The following DNAH11 variants were observed in gnomAD, a reference collection of about 807,000 sequenced individuals.
The protein encoded by DNAH11 is axonemal beta dynein heavy chain 11.
In DNAH11, 442 loss-of-function variants were observed where a neutral mutation model predicts 526.0. The observed-to-expected ratio is 0.84, with a 90% CI of 0.78 to 0.91. The LOEUF (loss-of-function observed/expected upper bound fraction) is 0.91. DNAH11 is among the 40% of genes least tolerant of loss of function. The pLI is 0.00. For synonymous variants in DNAH11, 2,461 were observed against 1,935.9 expected (o/e 1.27, Z -7.12); for missense variants, 6,989 against 5,448.7 (o/e 1.28, Z -8.90).
chr7:21,725,828 T>C lies in DNAH11; in HGVS notation c.7284T>C (p.Ala2428=). ...CTCCTTAGATTTCTGATTATCAAGC[T>C]GACTTCAGTCGGTGGTGGCAGAAAG... ...LLQDQISDYQ[A]DFSRWWQKEM... is the part of the protein sequence containing the mutation. The change falls in exon 45 of 82, where the codon GCT becomes GCC. Residue 2428 remains alanine, a synonymous_variant. Coordinates refer to ENST00000409508, the MANE Select transcript of DNAH11 (RefSeq NM_001277115.2). 6.2e-7 allele frequency: 1 copy of C among 1,611,788 alleles called. No homozygotes were observed. The highest frequency in any genetic ancestry group is 8.5e-7 in the Non-Finnish European group (1 of 1,178,882).
chr7:21,743,376 C>T (rs1368127467), intron 49 of DNAH11, among the ~76,000 whole-genome samples: 1 of 152,136 alleles, frequency 6.6e-6, no homozygotes, highest in Non-Finnish European at 1.5e-5. Context: ...GGTAAAAGGA[C>T]AGTGTTTATG....
chr7:21,632,160 G>A (rs1317793685), intron 25 of DNAH11, among the ~76,000 whole-genome samples: 1 of 152,200 alleles, frequency 6.6e-6, no homozygotes, highest in African/African-American at 2.4e-5. Flanking sequence ...TGGCTGGAGT[G>A]GCTGGGATGC....
intron 30 of DNAH11, among the ~76,000 whole-genome samples, chr7:21,678,856 G>T (rs1783018272): frequency 6.6e-6 from 1 of 152,120 alleles, no homozygotes; most frequent in Non-Finnish European, 1.5e-5. Flanking sequence ...ACTACCAAAT[G>T]ATCCAGCAAT....
At chr7:21,557,599 C>T (rs1338080926) in intron 2 of DNAH11, among the ~76,000 whole-genome samples, 2 of 152,126 alleles carry the variant, frequency 1.3e-5, no homozygotes, top group Non-Finnish European at 2.9e-5. Context: ...CCAAACACTC[C>T]ACCTCCTAAT....
At position 21,591,482 on chromosome 7, in the gene DNAH11, G is replaced by C. The variant is rs369561950; in HGVS notation, c.2572G>C (p.Glu858Gln). 1 of 1,613,306 alleles carries C rather than the reference G, an allele frequency of 6.2e-7. No individual in the cohort carries two copies. Among genetic ancestry groups the C allele is most frequent in the African/African-American group, 1.3e-5 (1 of 74,926 alleles). Residue 858 changes from glutamate (E) to glutamine (Q), a missense_variant, in exon 14 of 82, where the codon GAG (glutamate) becomes CAG (glutamine). Glu to Gln is a conservative substitution (Grantham distance 29). Coordinates refer to ENST00000409508, the MANE Select transcript of DNAH11 (RefSeq NM_001277115.2). ...VLPPRREHRR[E>Q]AAFTLEDKGD... ...ACCTCCCAGGAGAGAGCACAGACGA[G>C]AGGCAGCCTTCACCTTGGAGGACAA...
intron 44 of DNAH11, among the ~76,000 whole-genome samples, chr7:21,721,829 C>G (rs530497665): frequency 3.3e-5 from 5 of 152,290 alleles, no homozygotes; most frequent in Admixed American, 1.3e-4. Context: ...ATTGGTCTCC[C>G]TCTCTCCAGT....
At chr7:21,602,559 G>A (rs1468779624) in intron 18 of DNAH11, among the ~76,000 whole-genome samples, 2 of 5,856 alleles carry the variant, frequency 3.4e-4, no homozygotes, top group Admixed American at 2.1e-3. Context: ...TTTATAGATT[G>A]TGTGTGTGTG....
At chr7:21,720,679 T>A (rs1784840264) in intron 43 of DNAH11, 46 bp from the exon 44 acceptor site, 14 of 1,515,894 alleles carry the variant, frequency 9.2e-6, no homozygotes, top group Non-Finnish European at 1.2e-5. Context: ...TGAACTTCAC[T>A]ATTTTAAAAA....
chr7:21,598,280 A>G (rs1784940844), intron 14 of DNAH11, among the ~76,000 whole-genome samples: 2 of 152,090 alleles, frequency 1.3e-5, no homozygotes, highest in Non-Finnish European at 2.9e-5. Context: ...TGGTCTGTAT[A>G]GACCATGCAA....
At chr7:21,660,029 T>A (rs1361579572) in intron 30 of DNAH11, among the ~76,000 whole-genome samples, 1 of 152,096 alleles carries the variant, frequency 6.6e-6, no homozygotes, top group Non-Finnish European at 1.5e-5. Context: ...ATAAGGTAAT[T>A]GTTTCTATTT....
intron 54 of DNAH11, among the ~76,000 whole-genome samples, chr7:21,753,338 C>G (rs565034829): frequency 2.0e-5 from 3 of 152,262 alleles, no homozygotes; most frequent in African/African-American, 7.2e-5. Context: ...CTGCCTCCGG[C>G]TACTAAGGAG....
At chr7:21,695,595 G>A (rs1783815914) in intron 35 of DNAH11, among the ~76,000 whole-genome samples, 1 of 152,154 alleles carries the variant, frequency 6.6e-6, no homozygotes, top group Non-Finnish European at 1.5e-5. Flanking sequence ...ATTAACTCAA[G>A]ATGGCTTAAA....
At chr7:21,808,180 T>C (rs1172704270) in intron 63 of DNAH11, 131 bp downstream of exon 63, 9 of 603,154 alleles carry the variant, frequency 1.5e-5, no homozygotes, top group Non-Finnish European at 2.0e-5. Context: ...ATGGTGAAAT[T>C]GTTTCTCATG....
intron 42 of DNAH11, among the ~76,000 whole-genome samples, chr7:21,717,423 G>C (rs1275419242): frequency 6.6e-6 from 1 of 152,060 alleles, no homozygotes; most frequent in East Asian, 1.9e-4. Flanking sequence ...ATCACAAGCT[G>C]TTTTCATAAA....
In DNAH11 at chr7:21,787,419, G is replaced by A. The variant is rs867035278; in HGVS notation, c.9760G>A (p.Ala3254Thr). 5 of 1,604,402 alleles carry A rather than the reference G, an allele frequency of 3.1e-6. No homozygotes were observed. The Middle Eastern group carries it at 8.3e-4, about 267-fold the overall frequency. ...FMGKVDDFLQ[A>T]LINYDKEHIP... ...TTTGCAGGTTGATGATTTTTTGCAA[G>A]CATTAATTAACTATGACAAAGAGCA... The change falls in exon 60 of 82, where the codon GCA becomes ACA. Residue 3254 changes from alanine (A) to threonine (T), a missense_variant. Ala to Thr is a moderately conservative substitution (Grantham distance 58). Transcript: ENST00000409508.
At position 21,591,496 on chromosome 7, in the gene DNAH11, C is replaced by T; in HGVS notation, c.2586C>T (p.Thr862=). The T allele has an allele frequency of 6.2e-7, 1 of 1,612,184 alleles. No homozygotes were observed. Among genetic ancestry groups the T allele is most frequent in the Non-Finnish European group, 8.5e-7 (1 of 1,178,574 alleles). The change falls in exon 14 of 82, where the codon ACC becomes ACT. Residue 862 remains threonine (T), a synonymous_variant. Coordinates refer to ENST00000409508, the MANE Select transcript of DNAH11 (RefSeq NM_001277115.2). ...RREHRREAAF[T]LEDKGDLFTK... Reference sequence around the variant, plus strand: ...AGCACAGACGAGAGGCAGCCTTCACCTTGGAGGACAAGGGTGATTTGTTTA... The same window carrying T: ...AGCACAGACGAGAGGCAGCCTTCACTTTGGAGGACAAGGGTGATTTGTTTA...
intron 54 of DNAH11, among the ~76,000 whole-genome samples, chr7:21,753,704 C>G (rs1786508436): frequency 6.6e-6 from 1 of 152,152 alleles, no homozygotes; most frequent in Non-Finnish European, 1.5e-5. Flanking sequence ...CTGATTTCAG[C>G]ATTGCACTAT....
At chr7:21,804,531 A>C (rs1789164096) in intron 62 of DNAH11, among the ~76,000 whole-genome samples, 1 of 152,150 alleles carries the variant, frequency 6.6e-6, no homozygotes, top group African/African-American at 2.4e-5. Context: ...TCACCCTGCA[A>C]ATCCCCTCTC....
chr7:21,645,769 A>AAATCAGATATCTAAATCAGATATCTAAC, intron 28 of DNAH11, among the ~76,000 whole-genome samples: 1 of 151,678 alleles, frequency 6.6e-6, no homozygotes, highest in Non-Finnish European at 1.5e-5. Context: ...AGATATCTAA[A>AAATCAGATATCTAAATCAGATATCTAAC]AATTAGATAT....
Sources: allele counts gnomAD v4.1 joint callset (sites outside exome capture counted in the v4.1 genomes callset), GRCh38; gene constraint gnomAD v4.1.1; transcripts MANE v1.5; gene names NCBI Gene and HGNC (gene_info 2026-07-23, HGNC 2026-07-21).